The following UNC13C variants were observed in gnomAD, a reference collection of about 807,000 sequenced individuals.
The protein encoded by UNC13C is unc-13 homolog C, also known as protein unc-13 homolog C.
Under a neutral mutation model 245.4 loss-of-function variants are expected in UNC13C, and 174 were observed. The observed-to-expected ratio is 0.71, with a 90% confidence interval of 0.63 to 0.80. The LOEUF (loss-of-function observed/expected upper bound fraction) is 0.80, where lower values mean the gene tolerates loss of function less well. UNC13C is among the 30% of genes least tolerant of loss of function. The pLI, the probability that UNC13C is intolerant of heterozygous loss-of-function variation, is 0.00. For synonymous variants in UNC13C, 992 were observed against 895.1 expected, an observed-to-expected ratio of 1.11 and a Z score of -1.93; for missense variants, 2,829 against 2,602.9, an observed-to-expected ratio of 1.09 and a Z score of -1.89.
At chr15:54,285,089 C>T (rs2037107695) in intron 10 of UNC13C, among the ~76,000 whole-genome samples, 1 of 152,082 alleles carries the variant, frequency 6.6e-6, no homozygotes, top group Admixed American at 6.6e-5. Flanking sequence ...CCCTTAAAAG[C>T]CAGTGCATGA....
chr15:53,960,826 A>G, the UNC13C span, among the ~76,000 whole-genome samples: 2 of 152,142 alleles, frequency 1.3e-5, no homozygotes, highest in Non-Finnish European at 2.9e-5. Context: ...CCTCATCCCA[A>G]CTATGCACAT....
chr15:54,036,474 C>T (rs759275847), intron 2 of UNC13C, among the ~76,000 whole-genome samples: 5 of 152,198 alleles, frequency 3.3e-5, no homozygotes, highest in African/African-American at 4.8e-5. Flanking sequence ...TCTCACTTAA[C>T]GCGCTCAAAA....
intron 23 of UNC13C, among the ~76,000 whole-genome samples, chr15:54,508,458 T>C (rs1894581822): frequency 1.3e-5 from 2 of 152,254 alleles, no homozygotes; most frequent in Middle Eastern, 3.4e-3. Flanking sequence ...CATAACCCAG[T>C]ATTTATTATA....
chr15:54,219,671 A>C (rs1276863236), intron 4 of UNC13C, among the ~76,000 whole-genome samples: 2 of 151,256 alleles, frequency 1.3e-5, no homozygotes, highest in African/African-American at 4.9e-5. Context: ...CAACCTACAA[A>C]ATGGGAGAAA....
chr15:54,243,438 A>G (rs766787340), intron 7 of UNC13C, among the ~76,000 whole-genome samples: 7 of 152,300 alleles, frequency 4.6e-5, no homozygotes, highest in Non-Finnish European at 1.0e-4. Context: ...CAGTGCTGCA[A>G]TGAACATCTG....
chr15:54,542,741 T>C (rs1400983605), intron 26 of UNC13C, among the ~76,000 whole-genome samples: 2 of 152,206 alleles, frequency 1.3e-5, no homozygotes, highest in Admixed American at 1.3e-4. Context: ...TTGATCCCTT[T>C]ACCATTTTGT....
chr15:53,892,520 T>C, the UNC13C span, among the ~76,000 whole-genome samples: 9 of 152,210 alleles, frequency 5.9e-5, no homozygotes, highest in African/African-American at 1.9e-4. Flanking sequence ...ACCAATCAAA[T>C]GTACATTTAG....
chr15:54,070,579 G>A (rs1352802886), intron 2 of UNC13C, among the ~76,000 whole-genome samples: 1 of 151,908 alleles, frequency 6.6e-6, no homozygotes, highest in Non-Finnish European at 1.5e-5. Flanking sequence ...GCTTGCATAG[G>A]TTTTTTTTAA....
At chr15:54,033,404 T>G (rs1896447456) in intron 2 of UNC13C, among the ~76,000 whole-genome samples, 1 of 152,192 alleles carries the variant, frequency 6.6e-6, no homozygotes, top group Admixed American at 6.5e-5. Flanking sequence ...AAAAAATTTT[T>G]GGATTATTTT....
At chr15:54,383,666 C>A (rs967771321) in intron 17 of UNC13C, among the ~76,000 whole-genome samples, 3 of 152,034 alleles carry the variant, frequency 2.0e-5, no homozygotes, top group Non-Finnish European at 2.9e-5. Context: ...GAAGTCTTTG[C>A]CAGAGAAATC....
chr15:54,162,544 A>G (rs2033016807), intron 4 of UNC13C, among the ~76,000 whole-genome samples: 1 of 152,192 alleles, frequency 6.6e-6, no homozygotes, highest in South Asian at 2.1e-4. Context: ...TATCTGAATA[A>G]GATTCTTTCC....
chr15:54,208,355 C>A (rs2034779702), intron 4 of UNC13C, among the ~76,000 whole-genome samples: 1 of 152,096 alleles, frequency 6.6e-6, no homozygotes, highest in African/African-American at 2.4e-5. Context: ...CAAACCATAG[C>A]ATGATTCAGT....
chr15:54,132,818 T>C (rs2031510325), intron 2 of UNC13C, among the ~76,000 whole-genome samples: 1 of 152,192 alleles, frequency 6.6e-6, no homozygotes, highest in Non-Finnish European at 1.5e-5. Context: ...GTGGGAAATT[T>C]ATACTGTGTT....
chr15:54,243,666 A>G (rs1280081956), intron 7 of UNC13C, among the ~76,000 whole-genome samples: 2 of 152,158 alleles, frequency 1.3e-5, no homozygotes, highest in African/African-American at 4.8e-5. Context: ...GATAATCACC[A>G]TTCTGACTGG....
the UNC13C span, among the ~76,000 whole-genome samples, chr15:53,909,995 T>C: frequency 7.6e-6 from 1 of 132,218 alleles, no homozygotes; most frequent in African/African-American, 2.7e-5. Flanking sequence ...GTGGAAATAC[T>C]TTTTTTTTTT....
At chr15:54,177,706 CCAAT>C (rs1298736891) in intron 4 of UNC13C, among the ~76,000 whole-genome samples, 1 of 152,026 alleles carries the variant, frequency 6.6e-6, no homozygotes, top group Non-Finnish European at 1.5e-5. Flanking sequence ...TGTTAAACTT[CCAAT>C]CAGTGTACTC....
intron 2 of UNC13C, among the ~76,000 whole-genome samples, chr15:54,135,268 C>T (rs2031671307): frequency 6.6e-6 from 1 of 151,978 alleles, no homozygotes; most frequent in South Asian, 2.1e-4. Flanking sequence ...TTCATTTTGC[C>T]GATTGTTTCC....
chr15:53,866,200 A>G, the UNC13C span, among the ~76,000 whole-genome samples: 1 of 152,328 alleles, frequency 6.6e-6, no homozygotes, highest in Admixed American at 6.5e-5. Flanking sequence ...ATGCTTAGAA[A>G]TATGTGGCAG....
intron 30 of UNC13C, among the ~76,000 whole-genome samples, chr15:54,588,340 G>A (rs1051796949): frequency 2.6e-5 from 4 of 152,178 alleles, no homozygotes; most frequent in South Asian, 2.1e-4. Flanking sequence ...CACTTACTAC[G>A]TGTAACATTA....
Sources: allele counts gnomAD v4.1 joint callset (sites outside exome capture counted in the v4.1 genomes callset), GRCh38; gene constraint gnomAD v4.1.1; transcripts MANE v1.5; gene names NCBI Gene and HGNC (gene_info 2026-07-23, HGNC 2026-07-21).